MANBA: variants seen among roughly 807,000 people sequenced by gnomAD.
MANBA encodes the protein beta-mannosidase.
Under a neutral mutation model 111.1 loss-of-function variants are expected in MANBA, and 83 were observed. The ratio of observed to expected loss-of-function variants is 0.75; its 90% confidence interval spans 0.63 to 0.90. The LOEUF is 0.90. Among genes scored for constraint, MANBA ranks in the 40% least tolerant of loss-of-function variants. The probability of loss-of-function intolerance (pLI) is 0.00; values close to 1 mark genes in which losing one functional copy is unlikely to be tolerated. For synonymous variants in MANBA, 370 were observed against 378.7 expected (o/e 0.98, Z 0.27); for missense variants, 1,036 against 1,069.0 (o/e 0.97, Z 0.43).
intron 13 of MANBA, among the ~76,000 whole-genome samples, chr4:102,648,848 T>C (rs1354435599): frequency 6.6e-6 from 1 of 152,112 alleles, no homozygotes; most frequent in African/African-American, 2.4e-5. Flanking sequence ...AAACAGAAAG[T>C]TCTCTTGTAC....
chr4:102,664,843 G>T lies in MANBA; in HGVS notation c.1327C>A (p.Leu443Met). The T allele has an allele frequency of 2.5e-6, 4 of 1,602,696 alleles. No individual in the cohort carries two copies. Among genetic ancestry groups the T allele is most frequent in the Non-Finnish European group, 2.6e-6 (3 of 1,169,574 alleles). ...ATGATGATAGAAGGATGAGATTTCA[G>T]TCTCTTGATCTGAAAATTAAGAAAA... is the stretch of plus-strand genomic sequence containing the variant. ...TAEVAYQIKR[L>M]KSHPSIIIWS... The change falls in exon 11 of 17, where the codon CTG becomes ATG. Residue 443 changes from leucine to methionine, a missense_variant. Leu to Met is a conservative substitution (Grantham distance 15, BLOSUM62 2). Transcript: ENST00000647097.
At position 102,639,774 on chromosome 4, in the gene MANBA, C is replaced by T. The variant is rs886058968; in HGVS notation, c.1953G>A (p.Thr651=). 5 of 1,614,012 alleles carry T rather than the reference C, an allele frequency of 3.1e-6. No homozygotes were observed. The highest frequency in any genetic ancestry group is 2.2e-5 in the East Asian group (1 of 44,896). The change falls in exon 14 of 17, where the codon ACG becomes ACA. Residue 651 remains threonine (T), a synonymous_variant. Transcript: ENST00000647097. ...RSEIVDQQGH[T]MGALYWQLND... is the part of the protein sequence containing the mutation. ...TCAACTGCCAATAAAGTGCCCCCAT[C>T]GTGTGCCCTTGCTGATCCACTATCT...
intron 1 of MANBA, among the ~76,000 whole-genome samples, chr4:102,735,915 T>C (rs1723199869): frequency 6.6e-6 from 1 of 152,214 alleles, no homozygotes; most frequent in Non-Finnish European, 1.5e-5. Context: ...AGCAGAAGTA[T>C]GTACACTGAG....
At chr4:102,739,085 A>G (rs1723314634) in intron 1 of MANBA, among the ~76,000 whole-genome samples, 1 of 152,326 alleles carries the variant, frequency 6.6e-6, no homozygotes, top group East Asian at 1.9e-4. Context: ...AAGAGAGAAG[A>G]TACAAATAAG....
At chr4:102,702,147 C>T (rs1466860546) in intron 5 of MANBA, among the ~76,000 whole-genome samples, 3 of 151,790 alleles carry the variant, frequency 2.0e-5, no homozygotes, top group South Asian at 2.1e-4. Flanking sequence ...TCCAGTTGAT[C>T]GCATCGGCTC....
At chr4:102,716,796 A>C (rs1473678303) in intron 4 of MANBA, among the ~76,000 whole-genome samples, 1 of 152,234 alleles carries the variant, frequency 6.6e-6, no homozygotes, top group Non-Finnish European at 1.5e-5. Flanking sequence ...AAATCCTTCT[A>C]GATGGAGTCA....
chr4:102,726,612 T>C lies in MANBA; in HGVS notation c.249A>G (p.Glu83=), dbSNP rs760605983. The C allele has an allele frequency of 1.9e-6, 3 of 1,544,876 alleles. No individual in the cohort carries two copies. The East Asian group carries it at 6.8e-5, about 35-fold the overall frequency. ...ACCTAATTTCAAAGGGGATTTTAAA[T>C]TCTTTGCTATAGGTCCAGTTATCCA... ...VSLDNWTYSK[E]FKIPFEISKW... The change falls in exon 2 of 17, where the codon GAA becomes GAG. Residue 83 remains glutamate (E), a synonymous_variant. Coordinates refer to ENST00000647097, the MANE Select transcript of MANBA (RefSeq NM_005908.4).
intron 14 of MANBA, 103 bp from the exon 15 acceptor site, chr4:102,636,110 G>C: frequency 9.9e-7 from 1 of 1,012,244 alleles, no homozygotes. Flanking sequence ...CTAAGGGAGT[G>C]AGCATGTGAG....
chr4:102,755,364 AT>A (rs1390020357), intron 1 of MANBA, among the ~76,000 whole-genome samples: 2 of 152,242 alleles, frequency 1.3e-5, no homozygotes, highest in Non-Finnish European at 2.9e-5. Flanking sequence ...AAAACAAGAA[AT>A]AGGGAAAGGA....
At chr4:102,742,227 G>A (rs911240684) in intron 1 of MANBA, among the ~76,000 whole-genome samples, 12 of 152,104 alleles carry the variant, frequency 7.9e-5, no homozygotes, top group African/African-American at 2.9e-4. Context: ...CTAGTTTAAT[G>A]GAATCATTGT....
At chr4:102,665,080 T>C (rs964132498) in intron 10 of MANBA, 1 of 518,304 alleles carries the variant, frequency 1.9e-6, no homozygotes, top group Non-Finnish European at 3.4e-6. Flanking sequence ...GGGTTTCTCT[T>C]CTCTGCTATA....
chr4:102,685,973 C>T (rs1732192990), intron 7 of MANBA, among the ~76,000 whole-genome samples: 1 of 152,062 alleles, frequency 6.6e-6, no homozygotes, highest in Non-Finnish European at 1.5e-5. Flanking sequence ...CAATGTGTCA[C>T]ATTATTATTG....
rs142688926 is a variant in MANBA at position 102,747,753 on chromosome 4, T to G, written c.177+12965A>C. Among the ~76,000 whole-genome samples, 206 of 152,328 alleles carry G rather than the reference T, an allele frequency of 1.4e-3. No individual in the cohort carries two copies. In the Middle Eastern group the frequency reaches 0.017, roughly 13 times the overall value. On this transcript the variant is annotated intron_variant, in intron 1 of 16. Transcript: ENST00000647097. ...AAATCCTTAAATTAGTAAATATTGCTTCCCATCTAACATAGCTCTAAGTGA... is the reference window on the plus strand; with the variant it reads ...AAATCCTTAAATTAGTAAATATTGCGTCCCATCTAACATAGCTCTAAGTGA...
At chr4:102,717,545 G>C (rs1475989615) in intron 4 of MANBA, among the ~76,000 whole-genome samples, 1 of 151,844 alleles carries the variant, frequency 6.6e-6, no homozygotes, top group Non-Finnish European at 1.5e-5. Context: ...CTGAGTGGCA[G>C]GGACTACAGG....
At chr4:102,684,711 A>G (rs1258665256) in intron 7 of MANBA, among the ~76,000 whole-genome samples, 1 of 152,106 alleles carries the variant, frequency 6.6e-6, no homozygotes, top group Non-Finnish European at 1.5e-5. Flanking sequence ...ACCGAACCCC[A>G]TATATACTAT....
At chr4:102,676,672 G>A (rs574298136) in intron 7 of MANBA, among the ~76,000 whole-genome samples, 1 of 151,450 alleles carries the variant, frequency 6.6e-6, no homozygotes, top group African/African-American at 2.5e-5. Flanking sequence ...TCTGTTATCA[G>A]CACGATAAAT....
intron 6 of MANBA, 69 bp from the exon 7 acceptor site, chr4:102,689,753 T>C: frequency 1.1e-6 from 1 of 870,234 alleles, no homozygotes. Context: ...AAGCATTACA[T>C]CAATTTCTCA....
chr4:102,635,134 G>T, intron 15 of MANBA, 89 bp from the exon 16 acceptor site: 1 of 1,464,444 alleles, frequency 6.8e-7, no homozygotes, highest in Non-Finnish European at 9.5e-7. Context: ...TGAAAGTCAG[G>T]TTAGCAGAAA....
rs1732198918 is a variant in MANBA at position 102,686,098 on chromosome 4, T to TA, written c.960+3475dup. On this transcript the variant is annotated intron_variant, in intron 7 of 16. Transcript: ENST00000647097. ...CACAGAGTGGTATTCCAAATCAACA[T>TA]ATGGGTCCTAAATCTACTCACTGCT... 2.0e-5 allele frequency among the ~76,000 whole-genome samples: 3 copies of TA among 152,226 alleles called. No individual in the cohort carries two copies. The South Asian group carries it at 6.2e-4, about 32-fold the overall frequency.
Sources: allele counts gnomAD v4.1 joint callset (sites outside exome capture counted in the v4.1 genomes callset), GRCh38; gene constraint gnomAD v4.1.1; transcripts MANE v1.5; gene names NCBI Gene and HGNC (gene_info 2026-07-23, HGNC 2026-07-21).